Variants in MMP26 observed in about 807,000 individuals in gnomAD.
The protein encoded by MMP26 is matrix metallopeptidase 26, also known as matrix metalloproteinase-26.
MMP26 carries 33 observed loss-of-function variants against 31.0 expected under a neutral mutation model. That is an observed-to-expected ratio of 1.06 (90% CI 0.81 to 1.42). The LOEUF (loss-of-function observed/expected upper bound fraction) is 1.42, where lower values mean the gene tolerates loss of function less well. MMP26 is among the 40% of genes most tolerant of loss of function. The probability of loss-of-function intolerance (pLI) is 0.00; values close to 1 mark genes in which losing one functional copy is unlikely to be tolerated. For missense variants in MMP26, 347 were observed against 316.1 expected, an observed-to-expected ratio of 1.10 and a Z score of -0.74; for synonymous variants, 122 against 114.9, an observed-to-expected ratio of 1.06 and a Z score of -0.40.
rs914622427 is a variant in MMP26, at chr11:4,712,723, G to A, written c.-217+7678G>A. On this transcript the variant is annotated intron_variant, in intron 1 of 7. Coordinates refer to ENST00000380390, the MANE Select transcript of MMP26 (RefSeq NM_021801.5). ...ATAATCTTGTATAGTATAGTTATACGTACCTTAATAAAATCCACTTTGAAG... is the reference window on the plus strand; with the variant it reads ...ATAATCTTGTATAGTATAGTTATACATACCTTAATAAAATCCACTTTGAAG... Among the ~76,000 whole-genome samples the A allele has an allele frequency of 7.9e-5, 12 of 151,948 alleles. No individual in the cohort carries two copies. The South Asian group carries it at 8.4e-4, about 11-fold the overall frequency.
At chr11:4,838,374 G>A in intron 2 of MMP26, among the ~76,000 whole-genome samples, 1 of 106,430 alleles carries the variant, frequency 9.4e-6, no homozygotes, top group Non-Finnish European at 1.9e-5. Context: ...ATGAATTGCT[G>A]TAATTTTTTG....
intron 1 of MMP26, among the ~76,000 whole-genome samples, chr11:4,721,202 A>AAGG (rs762090550): frequency 3.3e-5 from 5 of 152,188 alleles, no homozygotes; most frequent in Admixed American, 6.5e-5. Flanking sequence ...ACAATGGAGT[A>AAGG]AGGTGCTTGT....
chr11:4,848,929 G>A (rs571339830), intron 2 of MMP26: 5 of 1,614,070 alleles, frequency 3.1e-6, no homozygotes, highest in Non-Finnish European at 4.2e-6. Flanking sequence ...GCACCAGCAA[G>A]GGCGATGCCC....
chr11:4,990,859 T>C (rs1846989593), intron 5 of MMP26, 113 bp downstream of exon 5: 2 of 1,194,240 alleles, frequency 1.7e-6, no homozygotes, highest in Non-Finnish European at 2.3e-6. Flanking sequence ...AGAAAAAAAG[T>C]CTGACAAAAC....
intron 2 of MMP26, chr11:4,909,283 A>T (rs898373567): frequency 1.3e-5 from 2 of 152,148 alleles, no homozygotes; most frequent in Non-Finnish European, 2.9e-5. Context: ...TGGAAAAATC[A>T]AAAGAGTATA....
At chr11:4,708,779 CA>C (rs1038955804) in intron 1 of MMP26, among the ~76,000 whole-genome samples, 1 of 148,342 alleles carries the variant, frequency 6.7e-6, no homozygotes, top group African/African-American at 2.4e-5. Context: ...AATGGAAAAT[CA>C]AGAAACTTGC....
intron 2 of MMP26, chr11:4,849,157 G>T: frequency 6.2e-7 from 1 of 1,613,854 alleles, no homozygotes; most frequent in South Asian, 1.1e-5. Flanking sequence ...AAGAAGGTGG[G>T]GGCCATTGAA....
chr11:4,849,405 AT>A (rs1340165612), intron 2 of MMP26, among the ~76,000 whole-genome samples: 1 of 152,112 alleles, frequency 6.6e-6, no homozygotes, highest in Non-Finnish European at 1.5e-5. Context: ...TGCAGCATTC[AT>A]TCCTTGCCTT....
At chr11:4,709,225 G>A (rs927553938) in intron 1 of MMP26, among the ~76,000 whole-genome samples, 16 of 152,164 alleles carry the variant, frequency 1.1e-4, no homozygotes, top group Middle Eastern at 3.4e-3. Flanking sequence ...CCATCTGCCC[G>A]TGTACATACA....
chr11:4,724,308 T>G (rs2133278001), intron 1 of MMP26: 3 of 316,648 alleles, frequency 9.5e-6, no homozygotes, highest in East Asian at 9.6e-5. Context: ...CTCTATACTC[T>G]TCAGGGCCTG....
At chr11:4,871,812 G>A (rs1461740214) in intron 2 of MMP26, 1 of 152,192 alleles carries the variant, frequency 6.6e-6, no homozygotes, top group Non-Finnish European at 1.5e-5. Context: ...GGCAAAGACT[G>A]CAGTATGGAC....
intron 2 of MMP26, among the ~76,000 whole-genome samples, chr11:4,932,839 C>T (rs1363545522): frequency 3.3e-5 from 5 of 152,114 alleles, no homozygotes; most frequent in Non-Finnish European, 5.9e-5. Flanking sequence ...TACTACTCTT[C>T]TCTGTCAAAA....
chr11:4,981,118 G>A (rs753697496), intron 2 of MMP26, among the ~76,000 whole-genome samples: 3 of 152,180 alleles, frequency 2.0e-5, no homozygotes, highest in African/African-American at 7.2e-5. Context: ...TTTAGAGAGT[G>A]TACTGAAGAT....
At chr11:4,791,451 C>T (rs1341678893) in intron 2 of MMP26, among the ~76,000 whole-genome samples, 2 of 152,066 alleles carry the variant, frequency 1.3e-5, no homozygotes, top group African/African-American at 4.8e-5. Flanking sequence ...GTGTTGAGGT[C>T]TTGCCCTCAT....
intron 2 of MMP26, among the ~76,000 whole-genome samples, chr11:4,771,455 A>G (rs2412434): frequency 0.18 from 27,727 of 152,086 alleles, 3,447 homozygotes; most frequent in African/African-American, 0.35. Flanking sequence ...TTCCGGATAC[A>G]GTAGACGTTT....
chr11:4,769,800 C>A lies in MMP26; in HGVS notation c.-145+2459C>A, dbSNP rs780246421. 5 of 1,612,900 alleles carry A rather than the reference C, an allele frequency of 3.1e-6. No homozygotes were observed. In the African/African-American group the frequency reaches 5.3e-5, roughly 17 times the overall value. The stretch of plus-strand genomic sequence containing the variant: ...AGGATCACGCTGTTCCCAGAGAGGG[C>A]AATGGCATAAAAACAACAGAAAGGA... On this transcript the variant is annotated intron_variant, in intron 2 of 7. Transcript: ENST00000380390.
chr11:4,751,774 G>C (rs369007077), intron 1 of MMP26, among the ~76,000 whole-genome samples: 24 of 152,216 alleles, frequency 1.6e-4, no homozygotes, highest in African/African-American at 5.3e-4. Context: ...TCATGTGATT[G>C]TTGAGCAGAA....
intron 1 of MMP26, among the ~76,000 whole-genome samples, chr11:4,722,433 C>T (rs547660312): frequency 6.8e-6 from 1 of 147,218 alleles, no homozygotes; most frequent in South Asian, 2.1e-4. Context: ...TAATAGATGC[C>T]AATTGGTTTT....
At chr11:4,783,319 G>A (rs1848890799) in intron 2 of MMP26, among the ~76,000 whole-genome samples, 1 of 152,176 alleles carries the variant, frequency 6.6e-6, no homozygotes, top group Non-Finnish European at 1.5e-5. Flanking sequence ...GATAATTTTG[G>A]AGATTTAAGA....
Sources: gnomAD v4.1 joint callset for allele counts (sites outside exome capture counted in the v4.1 genomes callset) on GRCh38, gnomAD v4.1.1 for gene constraint, MANE v1.5 for transcripts, NCBI Gene and HGNC (gene_info 2026-07-23, HGNC 2026-07-21) for gene names.